The following MAD1L1 variants were observed in gnomAD, a reference collection of about 807,000 sequenced individuals.
The protein encoded by MAD1L1 is mitotic arrest deficient 1 like 1.
MAD1L1 carries 95 observed loss-of-function variants against 96.9 expected under a neutral mutation model. That is an observed-to-expected ratio of 0.98 (90% confidence interval 0.83 to 1.16). MAD1L1 has a LOEUF of 1.16. Among genes scored for constraint, MAD1L1 ranks in the 50% most tolerant of loss-of-function variants. The pLI, the probability that MAD1L1 is intolerant of heterozygous loss-of-function variation, is 0.00. For missense variants in MAD1L1, 1,007 were observed against 954.4 expected, an observed-to-expected ratio of 1.06 and a Z score of -0.73; for synonymous variants, 473 against 396.6, an observed-to-expected ratio of 1.19 and a Z score of -2.29.
intron 14 of MAD1L1, among the ~76,000 whole-genome samples, chr7:2,001,094 C>T (rs946535712): frequency 5.9e-5 from 9 of 152,250 alleles, no homozygotes; most frequent in Admixed American, 1.3e-4. Context: ...ACACCCCTGC[C>T]GGGTGGAGAG....
intron 12 of MAD1L1, among the ~76,000 whole-genome samples, chr7:2,053,682 G>C (rs1410369449): frequency 6.6e-6 from 1 of 152,146 alleles, no homozygotes. Flanking sequence ...AGGCCAACAG[G>C]GTACAGGGCC....
At position 2,069,278 on chromosome 7, in the gene MAD1L1, G is replaced by T; in HGVS notation, c.1134C>A (p.Gly378=). 1 of 1,610,982 alleles carries T rather than the reference G, an allele frequency of 6.2e-7. No individual in the cohort carries two copies. ...QLQEELRQVS[G]QLLEERKKRE... is the part of the protein sequence containing the mutation. ...GCTTCTTCCTCTCCTCCAACAGCTG[G>T]CCGCTGACCTGCCGGAGCTCCTCCT... Residue 378 remains glycine, a synonymous_variant, in exon 12 of 19, where the codon GGC becomes GGA. Transcript: ENST00000265854.
chr7:1,906,362 C>T (rs73048143), intron 17 of MAD1L1, among the ~76,000 whole-genome samples: 4,883 of 152,326 alleles, frequency 0.032, 184 homozygotes, highest in Admixed American at 0.096. Context: ...AGGCAGGGCT[C>T]TCTCCTGGGA....
intron 11 of MAD1L1, among the ~76,000 whole-genome samples, chr7:2,095,822 T>C (rs1231929230): frequency 6.6e-6 from 1 of 152,146 alleles, no homozygotes; most frequent in Non-Finnish European, 1.5e-5. Flanking sequence ...CCCAGCCGTC[T>C]CTAAGGGGAA....
At chr7:1,912,946 T>A (rs6944877) in intron 17 of MAD1L1, among the ~76,000 whole-genome samples, 1 of 151,710 alleles carries the variant, frequency 6.6e-6, no homozygotes, top group African/African-American at 2.4e-5. Context: ...CATGCCGCGT[T>A]CATGATTAAT....
chr7:1,933,975 G>A (rs554500958), intron 17 of MAD1L1, among the ~76,000 whole-genome samples: 156 of 152,310 alleles, frequency 1.0e-3, no homozygotes, highest in African/African-American at 3.7e-3. Flanking sequence ...AGTCTACTCA[G>A]TCCTTTCACT....
intron 16 of MAD1L1, among the ~76,000 whole-genome samples, chr7:1,952,737 G>A (rs1202094778): frequency 1.3e-5 from 2 of 152,208 alleles, no homozygotes; most frequent in Admixed American, 1.3e-4. Context: ...ACAGAGAGGA[G>A]CACTTCCCGA....
intron 17 of MAD1L1, among the ~76,000 whole-genome samples, chr7:1,927,484 C>T (rs548734831): frequency 6.6e-6 from 1 of 152,150 alleles, no homozygotes; most frequent in Non-Finnish European, 1.5e-5. Flanking sequence ...AGCAAAGGAA[C>T]AGACGCTTAG....
At chr7:1,980,671 C>G in intron 14 of MAD1L1, 130 bp from the exon 15 acceptor site, 1 of 749,238 alleles carries the variant, frequency 1.3e-6, no homozygotes, top group Non-Finnish European at 2.4e-6. Flanking sequence ...CGGGAGAGAC[C>G]TCTCTCCTGG....
chr7:2,232,520 G>GA (rs1794250995), intron 1 of MAD1L1, among the ~76,000 whole-genome samples: 1 of 152,214 alleles, frequency 6.6e-6, no homozygotes, highest in African/African-American at 2.4e-5. Flanking sequence ...CTAGCCCGGG[G>GA]ACCCACACGG....
chr7:2,137,765 C>T (rs1251081193), intron 11 of MAD1L1, among the ~76,000 whole-genome samples: 2 of 152,194 alleles, frequency 1.3e-5, no homozygotes, highest in Non-Finnish European at 2.9e-5. Flanking sequence ...AGAAACTTCT[C>T]CAGGAAAGGT....
At chr7:2,090,608 C>A (rs1038488365) in intron 11 of MAD1L1, among the ~76,000 whole-genome samples, 1 of 152,198 alleles carries the variant, frequency 6.6e-6, no homozygotes, top group African/African-American at 2.4e-5. Context: ...CCTGAGTCTC[C>A]TCTCATTTGT....
intron 13 of MAD1L1, among the ~76,000 whole-genome samples, chr7:2,010,070 GTTTTTTT>G (rs56012894): frequency 1.1e-4 from 10 of 89,794 alleles, no homozygotes; most frequent in African/African-American, 4.2e-4. Flanking sequence ...TTTTTAACAG[GTTTTTTT>G]TTTTTTTTTT....
At chr7:1,987,141 C>T (rs998397002) in intron 14 of MAD1L1, among the ~76,000 whole-genome samples, 1 of 152,226 alleles carries the variant, frequency 6.6e-6, no homozygotes, top group Non-Finnish European at 1.5e-5. Context: ...AGCTCCCTCA[C>T]CCCTCCCCTG....
In MAD1L1 at chr7:2,001,684, G is replaced by A. The variant is rs576408188; in HGVS notation, c.1416+381C>T. Among the ~76,000 whole-genome samples, 27 of 152,386 alleles carry A rather than the reference G, an allele frequency of 1.8e-4. No homozygotes were observed. The South Asian group carries it at 5.2e-3, about 29-fold the overall frequency. On this transcript the variant is annotated intron_variant, in intron 14 of 18. Transcript: ENST00000265854. ...AGGCACTGTCCCACTGGGGACTCGG[G>A]TCCTGTGTGGTCGGGACAGGGGTCC...
intron 15 of MAD1L1, among the ~76,000 whole-genome samples, 188 bp downstream of exon 15, chr7:1,980,265 C>T (rs907521703): frequency 3.3e-5 from 5 of 151,572 alleles, no homozygotes; most frequent in Non-Finnish European, 7.4e-5. Flanking sequence ...CCTCCCCCCA[C>T]CCCACAGGAC....
intron 11 of MAD1L1, among the ~76,000 whole-genome samples, chr7:2,096,921 T>A (rs1786522947): frequency 6.6e-6 from 1 of 152,036 alleles, no homozygotes; most frequent in South Asian, 2.1e-4. Flanking sequence ...CCACTGTACC[T>A]CCAGGCTGCC....
chr7:1,816,038 A>G lies in MAD1L1; in HGVS notation c.*32T>C, dbSNP rs1356194916. The G allele has an allele frequency of 1.3e-6, 2 of 1,579,110 alleles. No individual in the cohort carries two copies. Among genetic ancestry groups the G allele is most frequent in the Admixed American group, 1.7e-5 (1 of 57,184 alleles). ...GGGACCTGCAGGTCAGGCCAAGCAG[A>G]GTGGCTCCGGCTATGCCCCCGAGCC... On this transcript the variant is annotated 3_prime_UTR_variant, in exon 19 of 19. Coordinates refer to ENST00000265854, the MANE Select transcript of MAD1L1 (RefSeq NM_001013836.2).
rs905730876 is a variant in MAD1L1, at chr7:2,119,535, G to A, written c.1073+29617C>T. 1.3e-5 allele frequency among the ~76,000 whole-genome samples: 2 copies of A among 152,152 alleles called. No individual in the cohort carries two copies. Among genetic ancestry groups the A allele is most frequent in the Non-Finnish European group, 2.9e-5 (2 of 68,030 alleles). ...CAAGTTGACCCCAGGCAGCTCTCAG[G>A]TCCCGACTGTGGGGACAGCACGTGC... On this transcript the variant is annotated intron_variant, in intron 11 of 18. Transcript: ENST00000265854. This position sits in a 1 kb window ranked among gnomAD's most constrained non-coding sequence, Gnocchi z 4.6.
Sources: gnomAD v4.1 joint callset for allele counts (sites outside exome capture counted in the v4.1 genomes callset) on GRCh38, gnomAD v4.1.1 for gene constraint, Gnocchi (gnomAD v3.1) non-coding constraint, MANE v1.5 for transcripts, NCBI Gene and HGNC (gene_info 2026-07-23, HGNC 2026-07-21) for gene names.